The following LMX1A variants were observed in gnomAD, a reference collection of about 807,000 sequenced individuals.
LMX1A encodes the protein LIM homeobox transcription factor 1 alpha, also known as LIM homeobox transcription factor 1-alpha.
A neutral mutation model predicts 49.1 loss-of-function variants in LMX1A; 15 were observed. The ratio of observed to expected loss-of-function variants is 0.31; its 90% CI spans 0.20 to 0.47. LMX1A has a LOEUF of 0.47. LMX1A is among the 20% of genes least tolerant of loss of function. The probability of loss-of-function intolerance (pLI) is 1.00; values close to 1 mark genes in which losing one functional copy is unlikely to be tolerated. For missense variants in LMX1A, 372 were observed against 475.8 expected (o/e 0.78, Z 2.03); for synonymous variants, 167 against 185.7 (o/e 0.90, Z 0.82).
At chr1:165,285,309 T>G (rs1274576036) in intron 3 of LMX1A, among the ~76,000 whole-genome samples, 3 of 152,132 alleles carry the variant, frequency 2.0e-5, no homozygotes, top group Non-Finnish European at 1.5e-5. Context: ...CCCTGTAGGA[T>G]GAGTTTCAGC....
At chr1:165,261,047 AT>A (rs1331506502) in intron 3 of LMX1A, among the ~76,000 whole-genome samples, 1 of 152,188 alleles carries the variant, frequency 6.6e-6, no homozygotes, top group Non-Finnish European at 1.5e-5. Flanking sequence ...AATGTGGCAC[AT>A]TATACACACT....
In LMX1A at chr1:165,355,476, A is replaced by T. The variant is rs751904343; in HGVS notation, c.76+8T>A. On this transcript the variant is annotated splice_region_variant and intron_variant, in intron 2 of 8. Transcript: ENST00000342310. The surrounding 1 kb of genome is among the most constrained non-coding windows in gnomAD (Gnocchi z 4.7). Reference sequence around the variant, plus strand: ...AGTGCGCCCAGGACGCACGGCCTGAACACTCACCCAGCAGCGAGGAGAAGG... The same window carrying T: ...AGTGCGCCCAGGACGCACGGCCTGATCACTCACCCAGCAGCGAGGAGAAGG... The T allele has an allele frequency of 4.3e-6, 7 of 1,613,728 alleles. No individual in the cohort carries two copies. Among genetic ancestry groups the T allele is most frequent in the African/African-American group, 1.3e-5 (1 of 75,024 alleles).
intron 3 of LMX1A, 135 bp downstream of exon 3, chr1:165,352,941 G>C (rs974941979): frequency 5.4e-6 from 5 of 928,334 alleles, no homozygotes; most frequent in Non-Finnish European, 8.3e-6. Context: ...GTACACGACT[G>C]CGCTGAAGGG....
At chr1:165,302,742 A>T (rs1654816194) in intron 3 of LMX1A, among the ~76,000 whole-genome samples, 1 of 152,156 alleles carries the variant, frequency 6.6e-6, no homozygotes, top group Admixed American at 6.5e-5. Flanking sequence ...TTGCTCAATG[A>T]CCCTAGGACA....
intron 3 of LMX1A, among the ~76,000 whole-genome samples, chr1:165,310,669 C>T (rs1655050453): frequency 6.6e-6 from 1 of 152,192 alleles, no homozygotes; most frequent in African/African-American, 2.4e-5. Context: ...TCTCCACACT[C>T]CTTTATTTTG....
rs144450323 is a variant in LMX1A, at chr1:165,345,809, G to A, written c.263+7267C>T. ...TTTGGGAGGCTAAGGTGGGAGGATC[G>A]CTTTGAGGCCAATAGTTCAGGACCA... On this transcript the variant is annotated intron_variant, in intron 3 of 8. Coordinates refer to ENST00000342310, the MANE Select transcript of LMX1A (RefSeq NM_177398.4). Among the ~76,000 whole-genome samples the A allele has an allele frequency of 5.4e-4, 82 of 152,230 alleles. No individual in the cohort carries two copies. The East Asian group carries it at 5.6e-3, about 10-fold the overall frequency.
intron 3 of LMX1A, among the ~76,000 whole-genome samples, chr1:165,300,785 T>C (rs546149952): frequency 6.6e-6 from 1 of 152,320 alleles, no homozygotes; most frequent in East Asian, 1.9e-4. Flanking sequence ...GCATATAATA[T>C]TGTAGAAATG....
intron 4 of LMX1A, among the ~76,000 whole-genome samples, chr1:165,232,423 A>G (rs1488240635): frequency 6.6e-6 from 1 of 152,176 alleles, no homozygotes; most frequent in Non-Finnish European, 1.5e-5. Context: ...TCTCCCTTAC[A>G]TGTAATATGG....
At chr1:165,338,807 C>T (rs1044656472) in intron 3 of LMX1A, among the ~76,000 whole-genome samples, 3 of 152,204 alleles carry the variant, frequency 2.0e-5, no homozygotes, top group African/African-American at 7.2e-5. Flanking sequence ...TCCTTGGTAG[C>T]ACCAAGTTCA....
At chr1:165,251,867 G>A (rs115350656) in intron 3 of LMX1A, among the ~76,000 whole-genome samples, 51 of 152,148 alleles carry the variant, frequency 3.4e-4, no homozygotes, top group African/African-American at 4.3e-4. Context: ...ACAGTTATCC[G>A]GAGATGTCTC....
At chr1:165,288,671 T>A (rs1654367885) in intron 3 of LMX1A, among the ~76,000 whole-genome samples, 1 of 152,220 alleles carries the variant, frequency 6.6e-6, no homozygotes, top group Non-Finnish European at 1.5e-5. Flanking sequence ...TGTTCAAACA[T>A]CTGTATGAGG....
At chr1:165,323,406 A>C (rs1655479883) in intron 3 of LMX1A, among the ~76,000 whole-genome samples, 1 of 152,232 alleles carries the variant, frequency 6.6e-6, no homozygotes, top group Non-Finnish European at 1.5e-5. Flanking sequence ...ATAAAATTAT[A>C]ACTTAACATT....
chr1:165,347,700 C>T lies in LMX1A; in HGVS notation c.263+5376G>A, dbSNP rs138436239. ...CATTTTCCAGTGTTGTATAACTGTA[C>T]TTAATAACCAAGATCATAACATTCA... is the stretch of plus-strand genomic sequence containing the variant. On this transcript the variant is annotated intron_variant, in intron 3 of 8. Coordinates refer to ENST00000342310, the MANE Select transcript of LMX1A (RefSeq NM_177398.4). 6.9e-3 allele frequency among the ~76,000 whole-genome samples: 1,048 copies of T among 152,306 alleles called. 10 individuals carry two copies. The highest frequency in any genetic ancestry group is 0.023 in the African/African-American group (975 of 41,554).
chr1:165,276,621 C>T (rs1166881551), intron 3 of LMX1A, among the ~76,000 whole-genome samples: 1 of 149,180 alleles, frequency 6.7e-6, no homozygotes, highest in African/African-American at 2.5e-5. Flanking sequence ...TCACGTTAGA[C>T]AGTGCTATAC....
rs1278558719 is a variant in LMX1A, at chr1:165,202,439, A to G, written c.*1441T>C. ...GGAACCTTCTGCCTCTATGAGCGCC[A>G]TGAGGTTCTTTAGAAACAGACCCTC... On this transcript the variant is annotated 3_prime_UTR_variant, in exon 9 of 9. Coordinates refer to ENST00000342310, the MANE Select transcript of LMX1A (RefSeq NM_177398.4). The G allele has an allele frequency of 6.6e-6, 1 of 152,520 alleles. No homozygotes were observed. The highest frequency in any genetic ancestry group is 1.5e-5 in the Non-Finnish European group (1 of 68,032). 9.4% of individuals were successfully genotyped at this position (152,520 alleles called of 1,614,324 possible).
intron 3 of LMX1A, among the ~76,000 whole-genome samples, chr1:165,350,286 C>T (rs1305342581): frequency 3.3e-5 from 5 of 151,586 alleles, no homozygotes; most frequent in Non-Finnish European, 5.9e-5. Context: ...GAGTTGTATT[C>T]CCCCTGGAGG....
rs1571177500 is a variant in LMX1A at position 165,249,496 on chromosome 1, G to C, written c.408C>G (p.Val136=). Residue 136 remains valine (V), a synonymous_variant, in exon 4 of 9, where the codon GTC becomes GTG. Coordinates refer to ENST00000342310, the MANE Select transcript of LMX1A (RefSeq NM_177398.4). The stretch of plus-strand genomic sequence containing the variant: ...TGCAGAGCAGCTGCCCCTCCTTCAG[G>C]ACAAACTCATCACCCTTCTGAAGCT... ...ERQLQKGDEF[V]LKEGQLLCKG... The C allele has an allele frequency of 7.4e-6, 12 of 1,614,102 alleles. No homozygotes were observed. The highest frequency in any genetic ancestry group is 1.0e-5 in the Non-Finnish European group (12 of 1,180,014).
chr1:165,328,141 G>T (rs1655642075), intron 3 of LMX1A, among the ~76,000 whole-genome samples: 1 of 152,192 alleles, frequency 6.6e-6, no homozygotes, highest in South Asian at 2.1e-4. Flanking sequence ...ACACCAACCT[G>T]CACCCTTGTT....
intron 3 of LMX1A, among the ~76,000 whole-genome samples, chr1:165,301,138 C>A (rs1027467819): frequency 6.7e-5 from 10 of 149,632 alleles, no homozygotes; most frequent in Admixed American, 6.7e-4. Flanking sequence ...GGTGAGAACC[C>A]GTGGGGCAGC....
Sources: allele counts gnomAD v4.1 joint callset (sites outside exome capture counted in the v4.1 genomes callset), GRCh38; gene constraint gnomAD v4.1.1; non-coding constraint Gnocchi (gnomAD v3.1); transcripts MANE v1.5; gene names NCBI Gene and HGNC (gene_info 2026-07-23, HGNC 2026-07-21).